CNTNAP3B: variants seen among roughly 807,000 people sequenced by gnomAD.
CNTNAP3B encodes contactin associated protein family member 3B.
In CNTNAP3B, 25 loss-of-function variants were observed where a neutral mutation model predicts 108.9. That is an observed-to-expected ratio of 0.23 (90% CI 0.17 to 0.32). CNTNAP3B has a LOEUF of 0.32. Among genes scored for constraint, CNTNAP3B ranks in the 10% least tolerant of loss-of-function variants. The pLI is 1.00. For synonymous variants in CNTNAP3B, 103 were observed against 473.4 expected, an observed-to-expected ratio of 0.22 and a Z score of 10.16; for missense variants, 252 against 1,210.4, an observed-to-expected ratio of 0.21 and a Z score of 11.75.
intron 13 of CNTNAP3B, among the ~76,000 whole-genome samples, chr9:41,949,961 A>G (rs1448133195): frequency 1.3e-5 from 2 of 152,100 alleles, no homozygotes; most frequent in Non-Finnish European, 2.9e-5. Flanking sequence ...GTGGGAAAAA[A>G]TATTCGCAAA....
chr9:42,055,299 A>G (rs1827043085), intron 3 of CNTNAP3B, among the ~76,000 whole-genome samples: 1 of 136,040 alleles, frequency 7.4e-6, no homozygotes, highest in Non-Finnish European at 1.6e-5. Context: ...GAGTATATAT[A>G]TATATATACA....
chr9:42,110,532 A>T lies in CNTNAP3B; in HGVS notation c.86-5793T>A, dbSNP rs1297284435. On this transcript the variant is annotated intron_variant, in intron 1 of 23. Transcript: ENST00000377561. ...GATGTACAGAAAACCTCTTTGTTCT[A>T]AAAAAAAAAAAAAGAAAAAAAAAGA... is the stretch of plus-strand genomic sequence containing the variant. Among the ~76,000 whole-genome samples the T allele has an allele frequency of 1.4e-4, 8 of 55,528 alleles. 1 individual carries two copies. The highest frequency in any genetic ancestry group is 3.1e-4 in the Non-Finnish European group (7 of 22,690). 36.4% of individuals were successfully genotyped at this position (55,528 alleles called of 152,430 possible). A position where few individuals can be genotyped will look rare whatever the true frequency, so the allele number is the denominator to read the frequency against.
At chr9:41,948,019 T>C (rs1445472092) in intron 13 of CNTNAP3B, among the ~76,000 whole-genome samples, 3 of 75,584 alleles carry the variant, frequency 4.0e-5, no homozygotes, top group East Asian at 3.8e-4. Context: ...ATTGAATTCA[T>C]AATTTAAAAT....
chr9:42,041,622 A>C (rs1826756327), intron 3 of CNTNAP3B, among the ~76,000 whole-genome samples: 1 of 144,378 alleles, frequency 6.9e-6, no homozygotes, highest in East Asian at 2.1e-4. Flanking sequence ...AAATAGGACC[A>C]CTTTTGCACT....
At position 41,934,122 on chromosome 9, in the gene CNTNAP3B, T is replaced by TATATATATATATATATATAC. The variant is rs1214326050; in HGVS notation, c.2237+4121_2237+4122insGTATATATATATATATATAT. Reference sequence around the variant, plus strand: ...TTACATATATATATATATATATATATACACACACATATATATATACACACA... The same window carrying TATATATATATATATATATAC: ...TTACATATATATATATATATATATATATATATATATATATATATACACACACACATATATATATACACACA... On this transcript the variant is annotated intron_variant, in intron 14 of 23. Coordinates refer to ENST00000377561, the MANE Select transcript of CNTNAP3B (RefSeq NM_001201380.3). Among the ~76,000 whole-genome samples, 67 of 73,312 alleles carry TATATATATATATATATATAC rather than the reference T, an allele frequency of 9.1e-4. 2 individuals carry two copies. The highest frequency in any genetic ancestry group is 3.6e-3 in the African/African-American group (61 of 16,928). The allele number at this position is 73,312 out of a possible 152,430, so 48.1% of individuals were successfully genotyped here.
intron 9 of CNTNAP3B, among the ~76,000 whole-genome samples, chr9:41,981,925 T>C (rs1825636303): frequency 1.8e-5 from 1 of 55,818 alleles, no homozygotes; most frequent in African/African-American, 5.9e-5. Flanking sequence ...ATAAATTAGC[T>C]GAATGTGGTG....
At chr9:41,924,385 G>A (rs1823751015) in intron 15 of CNTNAP3B, among the ~76,000 whole-genome samples, 2 of 152,302 alleles carry the variant, frequency 1.3e-5, no homozygotes, top group South Asian at 4.1e-4. Flanking sequence ...GTCAAGTTCA[G>A]AATCACCTCA....
intron 13 of CNTNAP3B, among the ~76,000 whole-genome samples, chr9:41,945,988 G>A (rs1824522806): frequency 6.6e-6 from 1 of 152,290 alleles, no homozygotes; most frequent in African/African-American, 2.4e-5. Context: ...TATCAGAGAT[G>A]AAAAAGGGCA....
intron 3 of CNTNAP3B, among the ~76,000 whole-genome samples, chr9:42,035,467 TG>T (rs879383377): frequency 9.6e-5 from 14 of 145,738 alleles, no homozygotes; most frequent in Non-Finnish European, 1.4e-4. Context: ...CAGAAGATCT[TG>T]GGGGTTAATA....
chr9:41,954,877 G>T (rs1277185739), intron 12 of CNTNAP3B, among the ~76,000 whole-genome samples: 1 of 152,166 alleles, frequency 6.6e-6, no homozygotes, highest in South Asian at 2.1e-4. Flanking sequence ...TAGAGACGGG[G>T]GTTTCACCAT....
intron 3 of CNTNAP3B, among the ~76,000 whole-genome samples, chr9:42,034,872 G>A (rs1380625194): frequency 3.8e-5 from 3 of 79,208 alleles, no homozygotes; most frequent in Non-Finnish European, 5.1e-5. Context: ...CTTCTCTCAC[G>A]GTATGCTCTG....
At chr9:42,108,420 A>G (rs1828124652) in intron 1 of CNTNAP3B, among the ~76,000 whole-genome samples, 1 of 138,396 alleles carries the variant, frequency 7.2e-6, no homozygotes, top group Admixed American at 7.2e-5. Flanking sequence ...TCTGTTCAAA[A>G]ATGGTGGACT....
chr9:42,047,520 C>G (rs1826895665), intron 3 of CNTNAP3B, among the ~76,000 whole-genome samples: 1 of 81,386 alleles, frequency 1.2e-5, no homozygotes, highest in Non-Finnish European at 2.4e-5. Flanking sequence ...TAGTCGAGTT[C>G]TGCAGCCTCC....
intron 2 of CNTNAP3B, among the ~76,000 whole-genome samples, chr9:42,077,361 C>T (rs1441283998): frequency 1.5e-5 from 2 of 133,492 alleles, no homozygotes; most frequent in Non-Finnish European, 3.2e-5. Flanking sequence ...ATTTCATAGC[C>T]CTTGTGCAAG....
chr9:42,119,526 A>G (rs1446959842), intron 1 of CNTNAP3B, among the ~76,000 whole-genome samples: 2 of 124,590 alleles, frequency 1.6e-5, no homozygotes, highest in Non-Finnish European at 3.3e-5. Context: ...TGCCAAGTCA[A>G]TCCTAAGCCA....
intron 3 of CNTNAP3B, among the ~76,000 whole-genome samples, chr9:42,017,226 T>A (rs1331438017): frequency 7.2e-6 from 1 of 138,048 alleles, no homozygotes; most frequent in African/African-American, 2.9e-5. Flanking sequence ...TCACATTAGT[T>A]AAATCTAACA....
intron 18 of CNTNAP3B, among the ~76,000 whole-genome samples, chr9:41,918,070 C>T (rs1236903432): frequency 6.6e-6 from 1 of 152,232 alleles, no homozygotes; most frequent in Non-Finnish European, 1.5e-5. Context: ...ACTAGTTATG[C>T]CTGTTTCGTA....
chr9:41,934,837 T>G (rs1824105984), intron 14 of CNTNAP3B, among the ~76,000 whole-genome samples: 1 of 152,290 alleles, frequency 6.6e-6, no homozygotes, highest in African/African-American at 2.4e-5. Context: ...GTATTTATTA[T>G]GATTATTTGT....
chr9:42,093,009 G>T lies in CNTNAP3B; in HGVS notation c.196+11620C>A, dbSNP rs1007650780. Among the ~76,000 whole-genome samples, 13 of 87,050 alleles carry T rather than the reference G, an allele frequency of 1.5e-4. 4 individuals are homozygous for T. Among genetic ancestry groups the T allele is most frequent in the Admixed American group, 6.3e-4 (5 of 7,926 alleles). 57.1% of individuals were successfully genotyped at this position (87,050 alleles called of 152,430 possible). On this transcript the variant is annotated intron_variant, in intron 2 of 23. Coordinates refer to ENST00000377561, the MANE Select transcript of CNTNAP3B (RefSeq NM_001201380.3). ...GCTTTGTCATGGCTCTGAGCTAGAT[G>T]TTGTGAAACAATGTGCTTAACTGCC...
Sources: allele counts gnomAD v4.1 joint callset (sites outside exome capture counted in the v4.1 genomes callset), GRCh38; gene constraint gnomAD v4.1.1; transcripts MANE v1.5; gene names NCBI Gene and HGNC (gene_info 2026-07-23, HGNC 2026-07-21).